Variants in IFT80 observed in about 807,000 individuals in gnomAD.
IFT80 encodes intraflagellar transport 80, also known as intraflagellar transport protein 80 homolog.
In IFT80, 79 loss-of-function variants were observed where a neutral mutation model predicts 107.9. That is an observed-to-expected ratio of 0.73 (90% confidence interval 0.61 to 0.88). IFT80 has a LOEUF of 0.88. IFT80 is among the 40% of genes least tolerant of loss of function. IFT80 has a pLI of 0.00. For missense variants in IFT80, 797 were observed against 914.2 expected, an observed-to-expected ratio of 0.87 and a Z score of 1.65; for synonymous variants, 299 against 300.9, an observed-to-expected ratio of 0.99 and a Z score of 0.07.
chr3:160,307,773 A>T lies in IFT80; in HGVS notation c.966T>A (p.Asn322Lys). 1 of 1,520,210 alleles carries T rather than the reference A, an allele frequency of 6.6e-7. No homozygotes were observed. The highest frequency in any genetic ancestry group is 9.1e-7 in the Non-Finnish European group (1 of 1,094,714). 94.2% of individuals were successfully genotyped at this position (1,520,210 alleles called of 1,614,324 possible). ...GTAAATCCACTGCATCATTAAGAAC[A>T]TTACGAACCTAAACAAGGAAAAATA... ...LTKRRAMQVR[N>K]VLNDAVDLLE... The change falls in exon 10 of 20, where the codon AAT becomes AAA. Residue 322 changes from asparagine to lysine, a missense_variant. By Grantham distance (94) the Asn-to-Lys change is moderately conservative (BLOSUM62 0). Transcript: ENST00000326448.
At chr3:160,292,802 T>G (rs990202747) in intron 12 of IFT80, among the ~76,000 whole-genome samples, 1 of 152,108 alleles carries the variant, frequency 6.6e-6, no homozygotes, top group African/African-American at 2.4e-5. Flanking sequence ...GGCAAAACAC[T>G]TTTTTCTTTC....
intron 2 of IFT80, chr3:160,383,609 C>A (rs1387852981): frequency 2.1e-6 from 2 of 941,834 alleles, no homozygotes; most frequent in African/African-American, 1.8e-5. Flanking sequence ...ACAAAAATTT[C>A]TCAGCCCTTA....
intron 8 of IFT80, among the ~76,000 whole-genome samples, chr3:160,341,442 T>C (rs1719890074): frequency 6.6e-6 from 1 of 151,720 alleles, no homozygotes; most frequent in Admixed American, 6.6e-5. Flanking sequence ...ATTAAAGATA[T>C]CCAAAAGAAA....
rs1160002966 is a variant in IFT80, at chr3:160,258,372, A to C, written c.*153T>G. On this transcript the variant is annotated 3_prime_UTR_variant, in exon 20 of 20. Transcript: ENST00000326448. Reference sequence around the variant, plus strand: ...AAATACATCAATTACTTTGTGTTTCATCTTTCTGCATGTACTTTTACACTA... The same window carrying C: ...AAATACATCAATTACTTTGTGTTTCCTCTTTCTGCATGTACTTTTACACTA... 2.2e-6 allele frequency: 2 copies of C among 898,850 alleles called. No homozygotes were observed. Among genetic ancestry groups the C allele is most frequent in the Non-Finnish European group, 3.4e-6 (2 of 592,026 alleles). 55.7% of individuals were successfully genotyped at this position (898,850 alleles called of 1,614,324 possible).
At chr3:160,278,527 G>A (rs1385018180) in intron 16 of IFT80, among the ~76,000 whole-genome samples, 1 of 152,096 alleles carries the variant, frequency 6.6e-6, no homozygotes, top group East Asian at 1.9e-4. Flanking sequence ...TCTCTGGCAA[G>A]GAGCTGCTCT....
intron 18 of IFT80, among the ~76,000 whole-genome samples, chr3:160,269,450 A>C (rs553553062): frequency 1.3e-5 from 2 of 152,296 alleles, no homozygotes; most frequent in East Asian, 3.9e-4. Context: ...TTGCCATCTG[A>C]GTCTCAGGAA....
intron 1 of IFT80, among the ~76,000 whole-genome samples, chr3:160,390,193 G>T (rs113293173): frequency 6.6e-6 from 1 of 152,150 alleles, no homozygotes; most frequent in Non-Finnish European, 1.5e-5. Flanking sequence ...CGAGGCGGGC[G>T]GATCAGCTGA....
At position 160,355,997 on chromosome 3, in the gene IFT80, C is replaced by A; in HGVS notation, c.777+16G>T. The A allele has an allele frequency of 6.2e-7, 1 of 1,613,690 alleles. No individual in the cohort carries two copies. The highest frequency in any genetic ancestry group is 1.1e-5 in the South Asian group (1 of 91,066). On this transcript the variant is annotated intron_variant, in intron 8 of 19. Coordinates refer to ENST00000326448, the MANE Select transcript of IFT80 (RefSeq NM_020800.3). ...TTATGACAGCACATCTGTGATTGCT[C>A]ACCACTATAACTTACCCCAGTTTTA...
At chr3:160,263,922 C>T (rs1473080746) in intron 19 of IFT80, among the ~76,000 whole-genome samples, 1 of 152,106 alleles carries the variant, frequency 6.6e-6, no homozygotes, top group African/African-American at 2.4e-5. Context: ...CTGCCCACCT[C>T]GGCCTCCCAA....
chr3:160,301,172 T>C (rs566515950), intron 11 of IFT80, 126 bp from the exon 12 acceptor site: 121 of 926,886 alleles, frequency 1.3e-4, no homozygotes, highest in East Asian at 3.2e-4. Flanking sequence ...AATGTGTAGA[T>C]ATATAAGGAA....
At chr3:160,398,846 T>C (rs1483965311) in intron 1 of IFT80, among the ~76,000 whole-genome samples, 1 of 152,170 alleles carries the variant, frequency 6.6e-6, no homozygotes, top group Non-Finnish European at 1.5e-5. Context: ...AGTCAAATTA[T>C]TTTAAAAGTC....
intron 4 of IFT80, among the ~76,000 whole-genome samples, chr3:160,376,242 TAAG>T (rs1043427865): frequency 6.6e-6 from 1 of 152,186 alleles, no homozygotes; most frequent in African/African-American, 2.4e-5. Context: ...TCCAGTGTAA[TAAG>T]AAGAGCTGCA....
chr3:160,375,501 A>G (rs1711944117), intron 5 of IFT80, among the ~76,000 whole-genome samples: 2 of 152,146 alleles, frequency 1.3e-5, no homozygotes, highest in Admixed American at 1.3e-4. Context: ...TCTATATAAG[A>G]TATGCTTCAA....
At chr3:160,321,574 T>C (rs1006563857) in intron 8 of IFT80, among the ~76,000 whole-genome samples, 2 of 152,052 alleles carry the variant, frequency 1.3e-5, no homozygotes, top group African/African-American at 4.8e-5. Context: ...CCTATGTTTT[T>C]TTCTATATAT....
intron 19 of IFT80, among the ~76,000 whole-genome samples, chr3:160,259,299 G>C (rs1179758171): frequency 6.6e-6 from 1 of 152,180 alleles, no homozygotes; most frequent in Non-Finnish European, 1.5e-5. Context: ...CACGTGCTCA[G>C]GGACAAGGTA....
In IFT80 at chr3:160,356,108, G is replaced by A; in HGVS notation, c.682C>T (p.His228Tyr). The A allele has an allele frequency of 6.2e-7, 1 of 1,614,164 alleles. No individual in the cohort carries two copies. The highest frequency in any genetic ancestry group is 8.5e-7 in the Non-Finnish European group (1 of 1,179,996). The change falls in exon 8 of 20, where the codon CAT becomes TAT. Residue 228 changes from histidine to tyrosine, a missense_variant. Physicochemically the swap from His to Tyr is moderately conservative, Grantham distance 83. Coordinates refer to ENST00000326448, the MANE Select transcript of IFT80 (RefSeq NM_020800.3). ...YGRPLYNSQPHEHPITSVAWA... is the reference protein window; with the variant it reads ...YGRPLYNSQPYEHPITSVAWA... ...GCAACTGAAGTAATGGGATGCTCATGAGGTTGTGAATTGTACAGTGGGCGG... is the reference window on the plus strand; with the variant it reads ...GCAACTGAAGTAATGGGATGCTCATAAGGTTGTGAATTGTACAGTGGGCGG...
chr3:160,381,263 T>TATATATATATATATATATTA (rs1225778014), intron 3 of IFT80, among the ~76,000 whole-genome samples: 1 of 140,142 alleles, frequency 7.1e-6, no homozygotes, highest in African/African-American at 2.5e-5. Context: ...TATATATATA[T>TATATATATATATATATATTA]ATTAAAGCCA....
chr3:160,367,375 T>C (rs1011530648), intron 5 of IFT80, among the ~76,000 whole-genome samples: 10 of 152,114 alleles, frequency 6.6e-5, no homozygotes, highest in African/African-American at 2.4e-4. Flanking sequence ...ATACAAATGG[T>C]ATACTCACCT....
intron 9 of IFT80, among the ~76,000 whole-genome samples, chr3:160,311,887 T>G (rs573198117): frequency 1.3e-5 from 2 of 152,104 alleles, no homozygotes; most frequent in South Asian, 4.1e-4. Context: ...AAGCTGGGGC[T>G]CTTCCGCCTC....
Sources: gnomAD v4.1 joint callset for allele counts (sites outside exome capture counted in the v4.1 genomes callset) on GRCh38, gnomAD v4.1.1 for gene constraint, MANE v1.5 for transcripts, NCBI Gene and HGNC (gene_info 2026-07-23, HGNC 2026-07-21) for gene names.